Variants in FRK observed in about 807,000 individuals in gnomAD.
FRK encodes tyrosine-protein kinase FRK.
A neutral mutation model predicts 56.4 loss-of-function variants in FRK; 51 were observed. The observed-to-expected ratio is 0.90, with a 90% CI of 0.72 to 1.14. The LOEUF (loss-of-function observed/expected upper bound fraction) is 1.14. Among genes scored for constraint, FRK ranks in the 50% most tolerant of loss-of-function variants. FRK has a pLI of 0.00. For synonymous variants in FRK, 245 were observed against 217.9 expected (o/e 1.12, Z -1.10); for missense variants, 570 against 601.4 (o/e 0.95, Z 0.55).
At chr6:116,047,771 T>C (rs1777031723) in intron 1 of FRK, among the ~76,000 whole-genome samples, 1 of 152,214 alleles carries the variant, frequency 6.6e-6, no homozygotes. Flanking sequence ...GGAGGTTAGC[T>C]TAGGATTTTT....
chr6:116,026,326 A>C (rs1414594373), intron 1 of FRK, among the ~76,000 whole-genome samples: 9 of 152,172 alleles, frequency 5.9e-5, no homozygotes, highest in African/African-American at 2.2e-4. Flanking sequence ...CTTTAGAATC[A>C]AGACTTCTGA....
At chr6:116,065,030 A>G (rs4946134), upstream of FRK, among the ~76,000 whole-genome samples, 115,577 of 151,918 alleles carry the variant, frequency 0.76, 44,935 homozygotes, top group Middle Eastern at 0.9. Flanking sequence ...GCATTTCAAG[A>G]TCTGAATAAA....
At chr6:116,045,180 G>A (rs553345716) in intron 1 of FRK, among the ~76,000 whole-genome samples, 3 of 152,278 alleles carry the variant, frequency 2.0e-5, no homozygotes, top group South Asian at 4.1e-4. Context: ...TAGATTCAAT[G>A]CTATCCCCAT....
chr6:116,076,910 G>A, the FRK span, among the ~76,000 whole-genome samples: 43 of 152,294 alleles, frequency 2.8e-4, no homozygotes, highest in East Asian at 6.9e-3. Flanking sequence ...GGAAAGAAGG[G>A]TGATAACGTT....
At chr6:116,100,529 T>C in the FRK span, among the ~76,000 whole-genome samples, 1 of 152,220 alleles carries the variant, frequency 6.6e-6, no homozygotes, top group East Asian at 1.9e-4. Flanking sequence ...CCTGAGGCGA[T>C]GGAGTGTCCC....
chr6:115,975,714 C>T (rs752286705), intron 2 of FRK, among the ~76,000 whole-genome samples: 10 of 152,046 alleles, frequency 6.6e-5, no homozygotes, highest in Non-Finnish European at 1.3e-4. Flanking sequence ...ATAAGATTAA[C>T]TAAAATAAAC....
At chr6:116,063,914 T>A (rs1472644418), upstream of FRK, among the ~76,000 whole-genome samples, 15 of 152,280 alleles carry the variant, frequency 9.9e-5, no homozygotes. Context: ...GGCCACCAAG[T>A]GGCTAACCCT....
intron 5 of FRK, among the ~76,000 whole-genome samples, chr6:115,953,702 A>C (rs1310550962): frequency 6.6e-6 from 1 of 152,206 alleles, no homozygotes; most frequent in Admixed American, 6.5e-5. Context: ...CTCAATGTCA[A>C]AGGTGTTAGC....
chr6:116,001,410 G>A (rs987528322), intron 2 of FRK, among the ~76,000 whole-genome samples: 3 of 152,078 alleles, frequency 2.0e-5, no homozygotes, highest in Non-Finnish European at 4.4e-5. Context: ...TAACCTGAAA[G>A]AGCCAGTCTT....
chr6:116,082,902 G>C, the FRK span, among the ~76,000 whole-genome samples: 6 of 152,226 alleles, frequency 3.9e-5, no homozygotes, highest in Admixed American at 3.9e-4. Context: ...AGAGAAAATA[G>C]GAGGCAGAAG....
the FRK span, among the ~76,000 whole-genome samples, chr6:116,073,380 G>C: frequency 2.0e-5 from 3 of 152,206 alleles, no homozygotes; most frequent in East Asian, 5.8e-4. Context: ...TAAGTGATGA[G>C]TTTCAGCAAT....
intron 1 of FRK, among the ~76,000 whole-genome samples, chr6:116,010,404 G>T (rs1014865558): frequency 1.3e-5 from 2 of 152,096 alleles, no homozygotes; most frequent in African/African-American, 4.8e-5. Flanking sequence ...AATTAAAAGA[G>T]GTCAATCAGG....
intron 1 of FRK, chr6:116,039,513 T>C: frequency 7.2e-7 from 1 of 1,381,276 alleles, no homozygotes; most frequent in Non-Finnish European, 1.0e-6. Context: ...CCATCTTCCC[T>C]ACCCTTCCTG....
chr6:115,956,668 G>T, intron 4 of FRK, 58 bp from the exon 5 acceptor site: 1 of 1,315,934 alleles, frequency 7.6e-7, no homozygotes, highest in Non-Finnish European at 1.0e-6. Context: ...TATCCTCACA[G>T]CAGCCTGGTG....
chr6:116,030,062 C>A (rs1054171208), intron 1 of FRK, among the ~76,000 whole-genome samples: 2 of 151,988 alleles, frequency 1.3e-5, no homozygotes, highest in Non-Finnish European at 2.9e-5. Context: ...TATTTATGAA[C>A]CACAGACCCC....
the FRK span, chr6:116,100,712 G>A: frequency 8.7e-6 from 3 of 344,598 alleles, no homozygotes; most frequent in Non-Finnish European, 5.2e-6. Flanking sequence ...ACCTGACTCC[G>A]GGCGGCGCAG....
intron 1 of FRK, among the ~76,000 whole-genome samples, chr6:116,057,916 A>C (rs1777457994): frequency 6.6e-6 from 1 of 152,162 alleles, no homozygotes; most frequent in Non-Finnish European, 1.5e-5. Context: ...TGTTTCAGTT[A>C]ATTTGCTTTC....
chr6:116,034,208 TAA>T (rs1342003937), intron 1 of FRK, among the ~76,000 whole-genome samples: 7 of 152,080 alleles, frequency 4.6e-5, no homozygotes, highest in Admixed American at 3.9e-4. Flanking sequence ...TGTCTATACT[TAA>T]CAGTAATTGC....
chr6:116,007,516 T>C (rs1775287955), intron 1 of FRK, among the ~76,000 whole-genome samples: 1 of 152,192 alleles, frequency 6.6e-6, no homozygotes, highest in Non-Finnish European at 1.5e-5. Flanking sequence ...AGATAAAATA[T>C]GAACCATTAT....
Sources: allele counts gnomAD v4.1 joint callset (sites outside exome capture counted in the v4.1 genomes callset), GRCh38; gene constraint gnomAD v4.1.1; transcripts MANE v1.5; gene names NCBI Gene and HGNC (gene_info 2026-07-23, HGNC 2026-07-21).